The following SLC8A1 variants were observed in gnomAD, a reference collection of about 807,000 sequenced individuals.
SLC8A1 encodes the protein sodium/calcium exchanger 1.
A neutral mutation model predicts 68.3 loss-of-function variants in SLC8A1; 18 were observed. The observed-to-expected ratio is 0.26, with a 90% CI of 0.18 to 0.39. The LOEUF is 0.39. Ranked by LOEUF, SLC8A1 falls within the 10% of genes least tolerant of loss-of-function variation. SLC8A1 has a pLI of 1.00. For missense variants in SLC8A1, 985 were observed against 1,156.7 expected (o/e 0.85, Z 2.15); for synonymous variants, 475 against 415.5 (o/e 1.14, Z -1.74).
At chr2:40,134,249 G>A (rs528622910) in intron 7 of SLC8A1, among the ~76,000 whole-genome samples, 1 of 151,886 alleles carries the variant, frequency 6.6e-6, no homozygotes, top group East Asian at 1.9e-4. Flanking sequence ...CCACCACCAC[G>A]CCCAGCTAAT....
intron 2 of SLC8A1, among the ~76,000 whole-genome samples, chr2:40,345,462 CA>C (rs568960610): frequency 6.6e-6 from 1 of 151,476 alleles, no homozygotes; most frequent in Non-Finnish European, 1.5e-5. Flanking sequence ...ATTGTCAGAA[CA>C]AAAAAAATCA....
intron 1 of SLC8A1, among the ~76,000 whole-genome samples, chr2:40,505,974 T>C (rs1475133211): frequency 6.6e-6 from 1 of 151,998 alleles, no homozygotes; most frequent in Non-Finnish European, 1.5e-5. Flanking sequence ...GTCTGGTTTC[T>C]AAACCATCGT....
At chr2:40,259,470 T>C (rs2064394023) in intron 2 of SLC8A1, among the ~76,000 whole-genome samples, 1 of 152,174 alleles carries the variant, frequency 6.6e-6, no homozygotes, top group Non-Finnish European at 1.5e-5. Context: ...CTTCACTTTC[T>C]TCACAATCTT....
chr2:40,194,934 T>C (rs566745958), intron 2 of SLC8A1, among the ~76,000 whole-genome samples: 4 of 152,020 alleles, frequency 2.6e-5, no homozygotes, highest in African/African-American at 7.2e-5. Flanking sequence ...CCAGAAAATA[T>C]GGAAATCTAG....
At chr2:40,484,736 C>CT (rs1162332470) in intron 1 of SLC8A1, among the ~76,000 whole-genome samples, 1 of 152,190 alleles carries the variant, frequency 6.6e-6, no homozygotes, top group Non-Finnish European at 1.5e-5. Flanking sequence ...AAGTGAGCAA[C>CT]TGCAGGCACA....
intron 2 of SLC8A1, among the ~76,000 whole-genome samples, chr2:40,329,060 T>TTACACACA (rs1205744450): frequency 7.1e-6 from 1 of 141,144 alleles, no homozygotes; most frequent in African/African-American, 2.6e-5. Context: ...CACTACAACC[T>TTACACACA]CACACACACA....
At chr2:40,465,307 C>G (rs966180343) in intron 1 of SLC8A1, among the ~76,000 whole-genome samples, 7 of 149,762 alleles carry the variant, frequency 4.7e-5, no homozygotes, top group Non-Finnish European at 8.8e-5. Context: ...GGTGAGGAAC[C>G]TATTACATAT....
At chr2:40,158,354 G>T (rs774516729) in intron 6 of SLC8A1, among the ~76,000 whole-genome samples, 3 of 152,108 alleles carry the variant, frequency 2.0e-5, no homozygotes, top group Non-Finnish European at 4.4e-5. Context: ...ATGTAATTGC[G>T]TATAATTTGG....
chr2:40,389,268 A>C (rs1422656383), intron 2 of SLC8A1, among the ~76,000 whole-genome samples: 1 of 152,014 alleles, frequency 6.6e-6, no homozygotes, highest in East Asian at 1.9e-4. Context: ...ACCCTTTATA[A>C]TGTTGTGAAT....
intron 1 of SLC8A1, among the ~76,000 whole-genome samples, chr2:40,447,310 T>C (rs948402630): frequency 2.0e-5 from 3 of 152,160 alleles, no homozygotes; most frequent in Non-Finnish European, 4.4e-5. Context: ...AATGGCTAAA[T>C]CTTCAAGAAA....
intron 1 of SLC8A1, among the ~76,000 whole-genome samples, chr2:40,493,901 TTCCTCTCCTC>T (rs1257634411): frequency 3.3e-5 from 5 of 151,892 alleles, no homozygotes; most frequent in Non-Finnish European, 5.9e-5. Flanking sequence ...TTCCTTTCCT[TTCCTCTCCTC>T]TCCTCTTTTT....
At position 40,210,574 on chromosome 2, in the gene SLC8A1, G is replaced by T. The variant is rs2056401276; in HGVS notation, c.1809-32719C>A. ...TGCTTTCTTCGGAATTTTAAGGGGG[G>T]AGAAAGGCCCATTAAGTCATCTTAA... On this transcript the variant is annotated intron_variant, in intron 2 of 7. Coordinates refer to ENST00000406785, the Ensembl canonical transcript of SLC8A1. Among the ~76,000 whole-genome samples the T allele has an allele frequency of 2.6e-5, 4 of 152,130 alleles. No homozygotes were observed. The South Asian group carries it at 8.3e-4, about 32-fold the overall frequency.
intron 2 of SLC8A1, among the ~76,000 whole-genome samples, chr2:40,347,201 C>G (rs1669636178): frequency 6.6e-6 from 1 of 152,198 alleles, no homozygotes; most frequent in Non-Finnish European, 1.5e-5. Flanking sequence ...GTGGTGCAAT[C>G]ATAGCTCACT....
chr2:40,434,189 T>A (rs1224758738), intron 1 of SLC8A1, among the ~76,000 whole-genome samples: 3 of 152,104 alleles, frequency 2.0e-5, no homozygotes, highest in African/African-American at 7.2e-5. Flanking sequence ...ATCATCATTA[T>A]CAGAGAAAAA....
chr2:40,303,960 G>C (rs917038913), intron 2 of SLC8A1, among the ~76,000 whole-genome samples: 6 of 152,116 alleles, frequency 3.9e-5, no homozygotes, highest in Non-Finnish European at 7.3e-5. Context: ...AAATGTTCTA[G>C]GTCATGTTTA....
At chr2:40,205,265 A>AATAG (rs1226185929) in intron 2 of SLC8A1, among the ~76,000 whole-genome samples, 1 of 152,062 alleles carries the variant, frequency 6.6e-6, no homozygotes, top group Non-Finnish European at 1.5e-5. Context: ...AAAATAAATA[A>AATAG]AAACATCGTT....
At chr2:40,369,867 G>GA (rs1213931174) in intron 2 of SLC8A1, among the ~76,000 whole-genome samples, 24 of 100,478 alleles carry the variant, frequency 2.4e-4, no homozygotes, top group African/African-American at 4.3e-4. Context: ...GTGTAGAAAA[G>GA]AAAAAAAACC....
intron 2 of SLC8A1, among the ~76,000 whole-genome samples, chr2:40,328,834 T>A (rs748468439): frequency 2.0e-5 from 3 of 152,128 alleles, no homozygotes; most frequent in African/African-American, 4.8e-5. Context: ...GGCTCCCCCA[T>A]CTGATCTGCT....
chr2:40,275,454 C>G (rs189108077), intron 2 of SLC8A1, among the ~76,000 whole-genome samples: 86 of 152,318 alleles, frequency 5.6e-4, no homozygotes, highest in Middle Eastern at 3.4e-3. Context: ...AAGAACAACT[C>G]TGAGGTTTAT....
Sources: gnomAD v4.1 joint callset for allele counts (sites outside exome capture counted in the v4.1 genomes callset) on GRCh38, gnomAD v4.1.1 for gene constraint, MANE v1.5 for transcripts, NCBI Gene and HGNC (gene_info 2026-07-23, HGNC 2026-07-21) for gene names.